JARID2: variants seen among roughly 807,000 people sequenced by gnomAD.
JARID2 encodes protein Jumonji.
In JARID2, 21 loss-of-function variants were observed where a neutral mutation model predicts 125.6. The ratio of observed to expected loss-of-function variants is 0.17; its 90% CI spans 0.12 to 0.24. The LOEUF (loss-of-function observed/expected upper bound fraction) is 0.24, where lower values mean the gene tolerates loss of function less well. Among genes scored for constraint, JARID2 ranks in the 10% least tolerant of loss-of-function variants. The pLI is 1.00. For synonymous variants in JARID2, 736 were observed against 661.6 expected (o/e 1.11, Z -1.73); for missense variants, 1,303 against 1,639.6 (o/e 0.79, Z 3.55).
chr6:15,331,938 CTAGACT>C (rs2127456621), intron 1 of JARID2, among the ~76,000 whole-genome samples: 1 of 152,076 alleles, frequency 6.6e-6, no homozygotes, highest in Non-Finnish European at 1.5e-5. Context: ...AAAAAAAATC[CTAGACT>C]TAATGTCCCT....
At chr6:15,395,818 C>G (rs1158544890) in intron 2 of JARID2, among the ~76,000 whole-genome samples, 1 of 151,910 alleles carries the variant, frequency 6.6e-6, no homozygotes, top group Non-Finnish European at 1.5e-5. Context: ...GTGTGCACCA[C>G]CATGCCTGGC....
chr6:15,415,561 A>ACCTC lies in JARID2; in HGVS notation c.323+5199_323+5202dup, dbSNP rs1245190619. Reference sequence around the variant, plus strand: ...CACCTCCCGGGCAGAGGCGCCCCTCACCTCCCGGACGGGGCTGCTGGCCGG... The same window carrying ACCTC: ...CACCTCCCGGGCAGAGGCGCCCCTCACCTCCCTCCCGGACGGGGCTGCTGGCCGG... On this transcript the variant is annotated intron_variant, in intron 3 of 17. Transcript: ENST00000341776. Among the ~76,000 whole-genome samples the ACCTC allele has an allele frequency of 2.3e-3, 307 of 132,532 alleles. 3 individuals carry two copies. Among genetic ancestry groups the ACCTC allele is most frequent in the African/African-American group, 8.7e-3 (265 of 30,604 alleles). 86.9% of individuals were successfully genotyped at this position (132,532 alleles called of 152,430 possible).
At chr6:15,478,908 G>A (rs1455511164) in intron 5 of JARID2, among the ~76,000 whole-genome samples, 2 of 152,038 alleles carry the variant, frequency 1.3e-5, no homozygotes, top group African/African-American at 2.4e-5. Context: ...CAGGTGATCC[G>A]CCTGCCTCGG....
chr6:15,338,676 CTA>C (rs1234994468), intron 1 of JARID2, among the ~76,000 whole-genome samples: 5 of 152,166 alleles, frequency 3.3e-5, no homozygotes, highest in African/African-American at 4.8e-5. Flanking sequence ...AGCCCTGCCC[CTA>C]TGGTCCACCC....
intron 1 of JARID2, among the ~76,000 whole-genome samples, chr6:15,257,620 CTT>C (rs1297490645): frequency 2.6e-5 from 4 of 152,306 alleles, no homozygotes; most frequent in African/African-American, 9.6e-5. Flanking sequence ...ACTCTAAATT[CTT>C]ACTGTGAAAT....
intron 1 of JARID2, among the ~76,000 whole-genome samples, chr6:15,264,883 C>T (rs1278583395): frequency 6.6e-6 from 1 of 151,980 alleles, no homozygotes; most frequent in Non-Finnish European, 1.5e-5. Context: ...AGAATATTTC[C>T]CAATAATGCC....
intron 15 of JARID2, 64 bp from the exon 16 acceptor site, chr6:15,513,173 GTC>G: frequency 6.4e-7 from 1 of 1,554,736 alleles, no homozygotes; most frequent in South Asian, 1.2e-5. Flanking sequence ...GGGTGCGTGT[GTC>G]CCCTCTGCTG....
At chr6:15,332,790 G>C (rs1762750386) in intron 1 of JARID2, among the ~76,000 whole-genome samples, 1 of 152,032 alleles carries the variant, frequency 6.6e-6, no homozygotes, top group Non-Finnish European at 1.5e-5. Flanking sequence ...ATCCAAAATA[G>C]TTTTCAATAC....
intron 1 of JARID2, among the ~76,000 whole-genome samples, chr6:15,289,521 C>T (rs528470631): frequency 3.7e-4 from 57 of 152,030 alleles, no homozygotes; most frequent in African/African-American, 1.4e-3. Context: ...GCATGAGCCA[C>T]TGCCCAGCCC....
chr6:15,439,935 A>G, intron 3 of JARID2, among the ~76,000 whole-genome samples: 1 of 152,226 alleles, frequency 6.6e-6, no homozygotes, highest in Non-Finnish European at 1.5e-5. Flanking sequence ...TCTGGAAAGG[A>G]ACTCTGAGGC....
At position 15,246,440 on chromosome 6, in the gene JARID2, A is replaced by G. The variant is rs531983615; in HGVS notation, c.-100A>G. On this transcript the variant is annotated 5_prime_UTR_variant, in exon 1 of 18. Coordinates refer to ENST00000341776, the MANE Select transcript of JARID2 (RefSeq NM_004973.4). ...CGGATTACAAGATCAACCACCACCA[A>G]CAACAATAAAAACCACCAGGATATT... 1.0e-6 allele frequency: 1 copy of G among 972,378 alleles called. No individual in the cohort carries two copies. The highest frequency in any genetic ancestry group is 1.6e-6 in the Non-Finnish European group (1 of 615,786). The allele number at this position is 972,378 out of a possible 1,614,324, so 60.2% of individuals were successfully genotyped here.
chr6:15,401,664 T>C (rs545001507), intron 2 of JARID2, among the ~76,000 whole-genome samples: 2 of 152,236 alleles, frequency 1.3e-5, no homozygotes, highest in East Asian at 3.9e-4. Context: ...AAACTTCGAG[T>C]GCTCTTGATT....
chr6:15,275,605 C>A (rs1044509239), intron 1 of JARID2, among the ~76,000 whole-genome samples: 3 of 135,298 alleles, frequency 2.2e-5, no homozygotes. Context: ...ACATGAGTAT[C>A]CCAGTAGAAA....
At chr6:15,248,182 A>G in intron 1 of JARID2, 2 of 728,360 alleles carry the variant, frequency 2.7e-6, no homozygotes, top group South Asian at 6.2e-5. Flanking sequence ...CACCGGGAGC[A>G]GAGCCGGTGT....
intron 4 of JARID2, among the ~76,000 whole-genome samples, chr6:15,452,668 T>A (rs1767971864): frequency 1.3e-5 from 2 of 152,094 alleles, no homozygotes; most frequent in South Asian, 4.2e-4. Context: ...ACTTTCAGAG[T>A]CTAATTGACA....
intron 16 of JARID2, among the ~76,000 whole-genome samples, chr6:15,516,959 C>T (rs1281175792): frequency 2.0e-5 from 3 of 152,162 alleles, no homozygotes; most frequent in African/African-American, 4.8e-5. Flanking sequence ...GACCATGTTC[C>T]AGGTGTTTGG....
chr6:15,309,022 C>T (rs960844601), intron 1 of JARID2, among the ~76,000 whole-genome samples: 2 of 152,198 alleles, frequency 1.3e-5, no homozygotes, highest in African/African-American at 2.4e-5. Flanking sequence ...ATATCTTTCC[C>T]CTGTCAGGAT....
At chr6:15,497,196 G>C in intron 7 of JARID2, 26 bp downstream of exon 7, 1 of 1,499,742 alleles carries the variant, frequency 6.7e-7, no homozygotes, top group South Asian at 1.3e-5. Flanking sequence ...GGGTCAGGGG[G>C]TGGTGCCTGC....
chr6:15,389,228 T>G (rs1421344580), intron 2 of JARID2, among the ~76,000 whole-genome samples: 1 of 152,236 alleles, frequency 6.6e-6, no homozygotes, highest in Non-Finnish European at 1.5e-5. Flanking sequence ...TGACACGATC[T>G]CAGCTCACTG....
Sources: gnomAD v4.1 joint callset for allele counts (sites outside exome capture counted in the v4.1 genomes callset) on GRCh38, gnomAD v4.1.1 for gene constraint, MANE v1.5 for transcripts, NCBI Gene and HGNC (gene_info 2026-07-23, HGNC 2026-07-21) for gene names.